The following EDA variants were observed in gnomAD, a reference collection of about 807,000 sequenced individuals.
EDA encodes the protein ectodysplasin A, also known as ectodysplasin-A.
Under a neutral mutation model 23.6 loss-of-function variants are expected in EDA, and 2 were observed. The ratio of observed to expected loss-of-function variants is 0.08; its 90% CI spans 0.03 to 0.27. The LOEUF (loss-of-function observed/expected upper bound fraction) is 0.27. EDA is among the 10% of genes least tolerant of loss of function. The pLI is 1.00. For missense variants in EDA, 229 were observed against 324.2 expected (o/e 0.71, Z 2.26); for synonymous variants, 131 against 132.0 (o/e 0.99, Z 0.05).
Position 70,032,487 on chromosome X carries a change from G to A in EDA, c.794-911G>A, listed in dbSNP as rs186632847. 5.4e-5 allele frequency among the ~76,000 whole-genome samples: 6 copies of A among 111,487 alleles called. No individual in the cohort carries two copies. In the East Asian group the frequency reaches 1.7e-3, roughly 32 times the overall value. ...ACTTATAAAATATAATTTCTTGGGT[G>A]CAGGATGGATGGCTTAGAGGGGAAA... On this transcript the variant is annotated intron_variant, in intron 6 of 7. Transcript: ENST00000374552.
chrX:69,634,734 C>T (rs550332231), intron 1 of EDA, among the ~76,000 whole-genome samples: 156 of 111,099 alleles, frequency 1.4e-3, no homozygotes, highest in African/African-American at 4.9e-3. Flanking sequence ...TTCTTTCCTA[C>T]GTATCTCTTA....
At chrX:69,699,857 T>G (rs995426732) in intron 1 of EDA, among the ~76,000 whole-genome samples, 1 of 110,378 alleles carries the variant, frequency 9.1e-6, no homozygotes, top group Non-Finnish European at 1.9e-5. Context: ...GTTTAAAGGC[T>G]CATGGAGAGG....
Position 69,616,192 on chromosome X carries a change from C to G in EDA, c.-117C>G. 1.1e-6 allele frequency: 1 copy of G among 885,465 alleles called. No individual in the cohort carries two copies. Among genetic ancestry groups the G allele is most frequent in the Non-Finnish European group, 1.6e-6 (1 of 643,469 alleles). The allele number at this position is 885,465 out of a possible 1,213,427, so 73.0% of individuals were successfully genotyped here. On this transcript the variant is annotated 5_prime_UTR_variant, in exon 1 of 8. Transcript: ENST00000374552. ...CCGCCCAGCCACTGTCGCGCAGGAA[C>G]GGGTCCCTGCAGCCCCCAGCCGATG...
At chrX:69,689,689 T>C (rs1042414498) in intron 1 of EDA, among the ~76,000 whole-genome samples, 1 of 111,243 alleles carries the variant, frequency 9.0e-6, no homozygotes, top group Non-Finnish European at 1.9e-5. Flanking sequence ...CCGCTGAATT[T>C]CCATATGAAT....
At chrX:69,653,350 G>A (rs1419707193) in intron 1 of EDA, among the ~76,000 whole-genome samples, 2 of 111,594 alleles carry the variant, frequency 1.8e-5, no homozygotes, top group African/African-American at 3.3e-5. Context: ...TGCTGAAGTT[G>A]CTTATCAGCT....
chrX:69,700,963 C>T (rs145777505), intron 1 of EDA, among the ~76,000 whole-genome samples: 1,703 of 110,174 alleles, frequency 0.015, 31 homozygotes, highest in African/African-American at 0.055. Flanking sequence ...TAAGAAAGAG[C>T]GAGTGAAGGA....
At chrX:69,906,731 G>A (rs1025530698) in intron 1 of EDA, among the ~76,000 whole-genome samples, 2 of 111,314 alleles carry the variant, frequency 1.8e-5, no homozygotes, top group East Asian at 2.8e-4. Context: ...TTATTGGCAC[G>A]CGTGCACGCA....
At chrX:69,908,342 A>C (rs180891472) in intron 1 of EDA, among the ~76,000 whole-genome samples, 2 of 110,763 alleles carry the variant, frequency 1.8e-5, no homozygotes, top group Admixed American at 1.9e-4. Context: ...GACTGATAGC[A>C]GTTGGAGGAA....
intron 1 of EDA, among the ~76,000 whole-genome samples, chrX:69,652,980 T>C (rs979277216): frequency 5.4e-5 from 6 of 111,722 alleles, no homozygotes; most frequent in Admixed American, 3.8e-4. Flanking sequence ...TGGTTCCATA[T>C]GAACTTTAAA....
chrX:69,628,600 G>T (rs368562830), intron 1 of EDA, among the ~76,000 whole-genome samples: 1 of 111,273 alleles, frequency 9.0e-6, no homozygotes, highest in East Asian at 2.8e-4. Context: ...AATTTAGTAA[G>T]CTAAACTGAA....
chrX:69,918,452 C>T (rs1163770941), intron 1 of EDA, among the ~76,000 whole-genome samples: 2 of 111,627 alleles, frequency 1.8e-5, no homozygotes, highest in Non-Finnish European at 3.8e-5. Flanking sequence ...CCACCGTGCC[C>T]GGCCAGGAAG....
chrX:69,932,682 T>TG (rs199579623), intron 1 of EDA, among the ~76,000 whole-genome samples: 2,362 of 111,954 alleles, frequency 0.021, 69 homozygotes, highest in African/African-American at 0.073. Context: ...TTTAAAAATA[T>TG]GAACTAAGTA....
chrX:69,719,271 T>C lies in EDA; in HGVS notation c.396+102567T>C, dbSNP rs377269564. Among the ~76,000 whole-genome samples, 19 of 111,474 alleles carry C rather than the reference T, an allele frequency of 1.7e-4. No individual in the cohort carries two copies. The South Asian group carries it at 3.8e-3, about 22-fold the overall frequency. On this transcript the variant is annotated intron_variant, in intron 1 of 7. Transcript: ENST00000374552. ...TTTTTATTTTATTGATTTTCTTTTTTATTGCATAAGACTGAATTATTTAAA... is the reference window on the plus strand; with the variant it reads ...TTTTTATTTTATTGATTTTCTTTTTCATTGCATAAGACTGAATTATTTAAA...
chrX:70,019,328 C>A (rs1465207414), intron 2 of EDA, among the ~76,000 whole-genome samples: 1 of 111,858 alleles, frequency 8.9e-6, no homozygotes, highest in African/African-American at 3.3e-5. Context: ...TGCAACCCAG[C>A]AATCTCATTA....
At chrX:69,695,178 A>C (rs1470441782) in intron 1 of EDA, among the ~76,000 whole-genome samples, 1 of 110,252 alleles carries the variant, frequency 9.1e-6, no homozygotes, top group Non-Finnish European at 1.9e-5. Flanking sequence ...AAATTAGCCA[A>C]GTGTGGTGGT....
intron 1 of EDA, among the ~76,000 whole-genome samples, chrX:69,703,804 G>GC (rs1281858157): frequency 9.0e-6 from 1 of 111,643 alleles, no homozygotes; most frequent in Non-Finnish European, 1.9e-5. Flanking sequence ...ATTCCCTTAA[G>GC]TTTCAGGCCC....
intron 1 of EDA, among the ~76,000 whole-genome samples, chrX:69,905,519 G>T: frequency 9.0e-6 from 1 of 110,595 alleles, no homozygotes; most frequent in Non-Finnish European, 1.9e-5. Context: ...GCTTCACTAG[G>T]CTTAAAAGGT....
chrX:69,655,281 C>T (rs558339856), intron 1 of EDA, among the ~76,000 whole-genome samples: 3 of 111,107 alleles, frequency 2.7e-5, no homozygotes, highest in African/African-American at 9.8e-5. Context: ...GTAATCCCAG[C>T]TACTCGGGAG....
intron 1 of EDA, among the ~76,000 whole-genome samples, chrX:69,777,261 G>A (rs1029132577): frequency 1.5e-4 from 17 of 109,897 alleles, no homozygotes; most frequent in Non-Finnish European, 3.2e-4. Flanking sequence ...GTGAATGTTG[G>A]GGGTGGGTAG....
Sources: gnomAD v4.1 joint callset for allele counts (sites outside exome capture counted in the v4.1 genomes callset) on GRCh38, gnomAD v4.1.1 for gene constraint, MANE v1.5 for transcripts, NCBI Gene and HGNC (gene_info 2026-07-23, HGNC 2026-07-21) for gene names.